The following HERC6 variants were observed in gnomAD, a reference collection of about 807,000 sequenced individuals.
The protein encoded by HERC6 is HECT and RLD domain containing E3 ubiquitin protein ligase family member 6, also known as probable E3 ubiquitin-protein ligase HERC6.
Under a neutral mutation model 114.5 loss-of-function variants are expected in HERC6, and 101 were observed. The observed-to-expected ratio is 0.88, with a 90% CI of 0.75 to 1.04. The LOEUF is 1.04. Among genes scored for constraint, HERC6 ranks in the 50% least tolerant of loss-of-function variants. The probability of loss-of-function intolerance (pLI) is 0.00; values close to 1 mark genes in which losing one functional copy is unlikely to be tolerated. For missense variants in HERC6, 1,133 were observed against 1,230.9 expected (o/e 0.92, Z 1.19); for synonymous variants, 408 against 436.2 (o/e 0.94, Z 0.81).
At chr4:88,432,549 C>A (rs189618176) in intron 17 of HERC6, among the ~76,000 whole-genome samples, 2 of 151,934 alleles carry the variant, frequency 1.3e-5, no homozygotes, top group Non-Finnish European at 2.9e-5. Context: ...GCCAACCTGG[C>A]GAAACACTGT....
intron 4 of HERC6, among the ~76,000 whole-genome samples, chr4:88,392,956 T>C (rs1735000086): frequency 6.6e-6 from 1 of 152,222 alleles, no homozygotes; most frequent in African/African-American, 2.4e-5. Flanking sequence ...TCCCCAGATA[T>C]GCCCATGGCC....
chr4:88,409,714 T>C (rs1045000227), intron 11 of HERC6, among the ~76,000 whole-genome samples: 1 of 152,208 alleles, frequency 6.6e-6, no homozygotes, highest in African/African-American at 2.4e-5. Flanking sequence ...ACTTCATCCT[T>C]TCTCTTTGGA....
intron 3 of HERC6, among the ~76,000 whole-genome samples, chr4:88,389,945 G>A (rs557342565): frequency 6.6e-6 from 1 of 152,132 alleles, no homozygotes; most frequent in African/African-American, 2.4e-5. Context: ...GGGAGGCTGA[G>A]GCAGGTGGAT....
chr4:88,438,862 AG>A (rs1258382555), intron 20 of HERC6, among the ~76,000 whole-genome samples: 1 of 152,184 alleles, frequency 6.6e-6, no homozygotes, highest in Non-Finnish European at 1.5e-5. Context: ...TTACAGGGGA[AG>A]GCAGACAAGA....
chr4:88,398,702 C>T (rs1735391354), intron 8 of HERC6: 1 of 152,194 alleles, frequency 6.6e-6, no homozygotes, highest in African/African-American at 2.4e-5. Context: ...TTGCAAGGGT[C>T]ACATCACCGA....
intron 5 of HERC6, among the ~76,000 whole-genome samples, chr4:88,393,814 C>T (rs952892768): frequency 6.6e-6 from 1 of 152,206 alleles, no homozygotes; most frequent in Admixed American, 6.5e-5. Context: ...GGCCAAACTT[C>T]TCATTCACAG....
At chr4:88,415,428 C>T (rs2148909252) in intron 12 of HERC6, among the ~76,000 whole-genome samples, 1 of 152,308 alleles carries the variant, frequency 6.6e-6, no homozygotes, top group Middle Eastern at 3.4e-3. Context: ...CCAAATGACC[C>T]TCCACAGAGT....
chr4:88,438,236 AG>A (rs1738970053), intron 20 of HERC6, among the ~76,000 whole-genome samples: 1 of 152,072 alleles, frequency 6.6e-6, no homozygotes, highest in South Asian at 2.1e-4. Flanking sequence ...GAAAGAATTC[AG>A]GGTTCAATAT....
chr4:88,420,173 G>A (rs184889296), intron 13 of HERC6, among the ~76,000 whole-genome samples: 34 of 152,112 alleles, frequency 2.2e-4, no homozygotes, highest in Admixed American at 1.9e-3. Context: ...TTTCCCTGGC[G>A]CTTTGTAGTA....
intron 17 of HERC6, among the ~76,000 whole-genome samples, chr4:88,432,932 C>CA (rs1349093785): frequency 6.8e-6 from 1 of 146,870 alleles, no homozygotes; most frequent in African/African-American, 2.5e-5. Flanking sequence ...ACTAAAAATA[C>CA]AAAAAATTAG....
At chr4:88,412,662 C>A (rs1316068729) in intron 11 of HERC6, among the ~76,000 whole-genome samples, 1 of 152,146 alleles carries the variant, frequency 6.6e-6, no homozygotes, top group Non-Finnish European at 1.5e-5. Context: ...GCAAATTTTT[C>A]TACTGATACA....
Position 88,394,528 on chromosome 4 carries a change from AATTATT to A in HERC6, c.759+971_759+976del, listed in dbSNP as rs200735450. On this transcript the variant is annotated intron_variant, in intron 5 of 22. Transcript: ENST00000264346. ...AATACAGGAACTAATCCCTTTTAGC[AATTATT>A]ATTATTATTATTATTATTATTATTT... is the stretch of plus-strand genomic sequence containing the variant. 1.3e-3 allele frequency among the ~76,000 whole-genome samples: 184 copies of A among 142,304 alleles called. 1 individual carries two copies. Among genetic ancestry groups the A allele is most frequent in the African/African-American group, 4.4e-3 (167 of 37,782 alleles). The allele number at this position is 142,304 out of a possible 152,430, so 93.4% of individuals were successfully genotyped here.
chr4:88,391,027 G>T lies in HERC6; in HGVS notation c.664+148G>T, dbSNP rs953498918. 4.6e-6 allele frequency: 3 copies of T among 645,408 alleles called. No individual in the cohort carries two copies. The East Asian group carries it at 8.3e-5, about 18-fold the overall frequency. 40.0% of individuals were successfully genotyped at this position (645,408 alleles called of 1,614,324 possible). On this transcript the variant is annotated intron_variant, in intron 4 of 22. Coordinates refer to ENST00000264346, the MANE Select transcript of HERC6 (RefSeq NM_017912.4). ...GCCTAGGGAGCTATATTAGTTTCTT[G>T]TTGTAGCGGTAACAAATCATCTCAA... is the stretch of plus-strand genomic sequence containing the variant.
At chr4:88,427,609 T>C (rs1737761781) in intron 15 of HERC6, among the ~76,000 whole-genome samples, 1 of 152,092 alleles carries the variant, frequency 6.6e-6, no homozygotes, top group Non-Finnish European at 1.5e-5. Context: ...TATATAATGG[T>C]GGCAGATACC....
chr4:88,390,598 T>A, intron 3 of HERC6, 54 bp from the exon 4 acceptor site: 1 of 1,416,042 alleles, frequency 7.1e-7, no homozygotes, highest in South Asian at 1.4e-5. Flanking sequence ...AGTTTCTATT[T>A]GAATTTGGTA....
chr4:88,412,804 AT>A (rs1237501867), intron 11 of HERC6, among the ~76,000 whole-genome samples: 1 of 152,238 alleles, frequency 6.6e-6, no homozygotes, highest in Non-Finnish European at 1.5e-5. Flanking sequence ...TTTTGAATCC[AT>A]AATTCACTCA....
rs1738812237 is a variant in HERC6, at chr4:88,436,924, G to T, written c.2437G>T (p.Asp813Tyr). 1 of 1,605,868 alleles carries T rather than the reference G, an allele frequency of 6.2e-7. No individual in the cohort carries two copies. The highest frequency in any genetic ancestry group is 8.5e-7 in the Non-Finnish European group (1 of 1,175,866). ...RLGKSLQEVLDDAADDIGDAL... is the reference protein window; with the variant it reads ...RLGKSLQEVLYDAADDIGDAL... ...CATTAGGAGTTTGCAAGAAGTTCTA[G>T]ATGATGCTGCTGATGACATTGGAGA... Residue 813 changes from aspartate (D) to tyrosine (Y), a missense_variant, in exon 19 of 23, where the codon GAT becomes TAT. This residue lies in a region of HERC6 where 388 missense variants were observed against 445.9 expected (regional missense o/e 0.87). Transcript: ENST00000264346.
rs771548156 is a variant in HERC6, at chr4:88,393,498, C to T, written c.675C>T (p.Asn225=). ...GCTTTCTTTCAACAGTGCAAAGCAA[C>T]AAGCCTCTCTCAGTCGGTGCACTGA... ...LSGRNVPVQS[N]KPLSVGALKN... The change falls in exon 5 of 23, where the codon AAC becomes AAT. Residue 225 remains asparagine, a synonymous_variant. Coordinates refer to ENST00000264346, the MANE Select transcript of HERC6 (RefSeq NM_017912.4). 1.2e-6 allele frequency: 2 copies of T among 1,608,894 alleles called. No homozygotes were observed. Among genetic ancestry groups the T allele is most frequent in the South Asian group, 1.1e-5 (1 of 90,392 alleles).
At chr4:88,429,222 A>C (rs943006164) in intron 16 of HERC6, among the ~76,000 whole-genome samples, 5 of 152,192 alleles carry the variant, frequency 3.3e-5, no homozygotes, top group African/African-American at 1.2e-4. Context: ...TTCTTCCCAC[A>C]GTAGTGCCAG....
Sources: gnomAD v4.1 joint callset for allele counts (sites outside exome capture counted in the v4.1 genomes callset) on GRCh38, gnomAD v4.1.1 for gene constraint, gnomAD v4.1.1 regional missense constraint, MANE v1.5 for transcripts, NCBI Gene and HGNC (gene_info 2026-07-23, HGNC 2026-07-21) for gene names.